Variants in IL31RA observed in about 807,000 individuals in gnomAD.
IL31RA encodes interleukin 31 receptor A.
A neutral mutation model predicts 83.7 loss-of-function variants in IL31RA; 66 were observed. The ratio of observed to expected loss-of-function variants is 0.79; its 90% confidence interval spans 0.65 to 0.97. The LOEUF (loss-of-function observed/expected upper bound fraction) is 0.97. Among genes scored for constraint, IL31RA ranks in the 50% least tolerant of loss-of-function variants. The pLI is 0.00. For missense variants in IL31RA, 798 were observed against 919.4 expected (o/e 0.87, Z 1.71); for synonymous variants, 325 against 329.0 (o/e 0.99, Z 0.13).
In IL31RA at chr5:55,874,946, G is replaced by A. The variant is rs181266368; in HGVS notation, c.454+2495G>A. On this transcript the variant is annotated intron_variant, in intron 4 of 14. Transcript: ENST00000652347. ...AAGCAGACATCCTTTTCTTGTTCCTGATCTTAGGGGGAAAGCATCTAGTCT... is the reference window on the plus strand; with the variant it reads ...AAGCAGACATCCTTTTCTTGTTCCTAATCTTAGGGGGAAAGCATCTAGTCT... 6.6e-4 allele frequency among the ~76,000 whole-genome samples: 101 copies of A among 152,234 alleles called. 1 individual carries two copies. Among genetic ancestry groups the A allele is most frequent in the Middle Eastern group, 3.4e-3 (1 of 294 alleles).
chr5:55,855,391 C>T (rs1365742547), intron 1 of IL31RA, among the ~76,000 whole-genome samples: 1 of 151,820 alleles, frequency 6.6e-6, no homozygotes, highest in Non-Finnish European at 1.5e-5. Context: ...CCTGGTTTGC[C>T]ATTCTTTAAA....
Position 55,895,667 on chromosome 5 carries a change from C to G in IL31RA, c.773-683C>G, listed in dbSNP as rs527487080. 1.5e-4 allele frequency among the ~76,000 whole-genome samples: 23 copies of G among 152,208 alleles called. 1 individual carries two copies. The highest frequency in any genetic ancestry group is 1.4e-3 in the Admixed American group (22 of 15,284). On this transcript the variant is annotated intron_variant, in intron 6 of 14. Transcript: ENST00000652347. The stretch of plus-strand genomic sequence containing the variant: ...CAGATATTGGCTTTTACGTTACTCT[C>G]TGTCCTTTTTGAAAAGATCCACGTG...
chr5:55,911,478 T>G (rs1021236961), intron 12 of IL31RA, among the ~76,000 whole-genome samples: 11 of 152,154 alleles, frequency 7.2e-5, no homozygotes, highest in African/African-American at 2.4e-4. Context: ...GGGCTTAACC[T>G]CATCATTTGT....
chr5:55,851,929 G>A (rs1745093695), intron 1 of IL31RA, among the ~76,000 whole-genome samples: 1 of 151,996 alleles, frequency 6.6e-6, no homozygotes, highest in Non-Finnish European at 1.5e-5. Flanking sequence ...TTTGTCTTGT[G>A]GTTCTATATC....
intron 7 of IL31RA, among the ~76,000 whole-genome samples, chr5:55,897,015 A>ATT (rs1178147444): frequency 3.6e-3 from 3 of 842 alleles, no homozygotes; most frequent in Admixed American, 0.059. Context: ...ATATATATAT[A>ATT]TTTTTTTTTT....
In IL31RA at chr5:55,907,371, C is replaced by T; in HGVS notation, c.1265C>T (p.Pro422Leu). Residue 422 changes from proline to leucine, a missense_variant, in exon 10 of 15, where the codon CCT (proline) becomes CTT (leucine). Physicochemically the swap from Pro to Leu is moderately conservative, Grantham distance 98. Coordinates refer to ENST00000652347, the MANE Select transcript of IL31RA (RefSeq NM_139017.7). ...TTCTTTTTCACAGATAAATTAAAAC[C>T]TTTCTGGTGCTATAACATCTCTGTG... ...NWTIQQDKLKPFWCYNISVYP... is the reference protein window; with the variant it reads ...NWTIQQDKLKLFWCYNISVYP... 1 of 1,611,492 alleles carries T rather than the reference C, an allele frequency of 6.2e-7. No homozygotes were observed. Among genetic ancestry groups the T allele is most frequent in the Admixed American group, 1.7e-5 (1 of 60,012 alleles).
chr5:55,855,836 G>A (rs141940301), intron 1 of IL31RA, among the ~76,000 whole-genome samples: 3 of 152,236 alleles, frequency 2.0e-5, no homozygotes, highest in African/African-American at 4.8e-5. Context: ...GTTTGCAGTC[G>A]TTCTACTCCA....
intron 2 of IL31RA, among the ~76,000 whole-genome samples, chr5:55,867,113 ATGTGTG>A (rs533803847): frequency 4.9e-5 from 5 of 101,814 alleles, no homozygotes; most frequent in African/African-American, 1.8e-4. Context: ...GTGTGTGTGC[ATGTGTG>A]TGTTTGTGTG....
chr5:55,856,224 GTTAC>G (rs1290271993), intron 1 of IL31RA, among the ~76,000 whole-genome samples: 1 of 152,180 alleles, frequency 6.6e-6, no homozygotes, highest in Non-Finnish European at 1.5e-5. Flanking sequence ...GACACCACTA[GTTAC>G]TTAAGTGGCA....
At chr5:55,902,472 A>AC (rs1561114831) in intron 8 of IL31RA, 1 of 151,450 alleles carries the variant, frequency 6.6e-6, no homozygotes, top group Admixed American at 6.6e-5. Flanking sequence ...AAAAAAAAAA[A>AC]AAAAAAATAC....
chr5:55,913,488 A>G lies in IL31RA; in HGVS notation c.1654A>G (p.Ile552Val). The change falls in exon 13 of 15, where the codon ATT becomes GTT. Residue 552 changes from isoleucine (I) to valine (V), a missense_variant. Physicochemically the swap from Ile to Val is conservative, Grantham distance 29. Coordinates refer to ENST00000652347, the MANE Select transcript of IL31RA (RefSeq NM_139017.7). ...FKTLSFSVFEIILITSLIGGG... is the reference protein window; with the variant it reads ...FKTLSFSVFEVILITSLIGGG... ...TTTGTTTTTCAAAGGTGTCTTTGAG[A>G]TTATCCTCATAACTTCTCTGATTGG... 3 of 1,610,294 alleles carry G rather than the reference A, an allele frequency of 1.9e-6. No individual in the cohort carries two copies. The highest frequency in any genetic ancestry group is 3.3e-5 in the Admixed American group (2 of 60,024).
intron 8 of IL31RA, among the ~76,000 whole-genome samples, 198 bp from the exon 9 acceptor site, chr5:55,905,908 C>T (rs1388362481): frequency 2.0e-5 from 3 of 151,732 alleles, no homozygotes; most frequent in African/African-American, 4.9e-5. Context: ...GATTAAGAAG[C>T]CACTTACTCC....
chr5:55,853,176 T>G (rs1745158331), intron 1 of IL31RA: 1 of 263,148 alleles, frequency 3.8e-6, no homozygotes, highest in Non-Finnish European at 6.2e-6. Context: ...AAAGATACTC[T>G]CACTGTTTCA....
chr5:55,901,241 G>T (rs575812020), intron 8 of IL31RA, among the ~76,000 whole-genome samples: 5 of 152,300 alleles, frequency 3.3e-5, no homozygotes, highest in African/African-American at 1.2e-4. Flanking sequence ...CAACACCCTA[G>T]TGATGAAGTT....
chr5:55,872,315 A>C lies in IL31RA; in HGVS notation c.318A>C (p.Thr106=). 6.2e-7 allele frequency: 1 copy of C among 1,613,686 alleles called. No individual in the cohort carries two copies. Among genetic ancestry groups the C allele is most frequent in the Non-Finnish European group, 8.5e-7 (1 of 1,179,694 alleles). The change falls in exon 4 of 15, where the codon ACA becomes ACC. Residue 106 remains threonine (T), a synonymous_variant. Transcript: ENST00000652347. The part of the protein sequence containing the change: ...KHDNCTTNSS[T]SENRASCSFF... ...ATAATTGTACAACCAATAGTTCTACAAGTGAAAATCGTGCTTCGTGCTCTT... is the reference window on the plus strand; with the variant it reads ...ATAATTGTACAACCAATAGTTCTACCAGTGAAAATCGTGCTTCGTGCTCTT...
upstream of IL31RA, among the ~76,000 whole-genome samples, chr5:55,847,239 A>AT (rs372606558): frequency 0.015 from 262 of 17,196 alleles, 1 homozygote; most frequent in Non-Finnish European, 0.025. Flanking sequence ...AAAAAAAAAA[A>AT]AATAAAAATA....
chr5:55,851,409 G>T lies in IL31RA; in HGVS notation c.-162G>T. ...GACAGCACTCCAGCACTCTGCTTGG[G>T]GGGCATTCGAAACAGCAAAATCACT... On this transcript the variant is annotated 5_prime_UTR_variant, in exon 1 of 15. Transcript: ENST00000652347. The T allele has an allele frequency of 2.4e-6, 3 of 1,238,536 alleles. No individual in the cohort carries two copies. The highest frequency in any genetic ancestry group is 2.3e-6 in the Non-Finnish European group (2 of 875,906). The allele number at this position is 1,238,536 out of a possible 1,614,324, so 76.7% of individuals were successfully genotyped here.
chr5:55,899,805 G>T, intron 7 of IL31RA, 111 bp from the exon 8 acceptor site: 1 of 743,448 alleles, frequency 1.3e-6, no homozygotes, highest in South Asian at 1.5e-5. Context: ...TTGTAGTTTA[G>T]TATCTAATAG....
At chr5:55,908,437 A>G in intron 11 of IL31RA, 26 bp downstream of exon 11, 1 of 1,614,218 alleles carries the variant, frequency 6.2e-7, no homozygotes, top group Non-Finnish European at 8.5e-7. Context: ...GCGAAGTGGA[A>G]AAAAACCCCA....
Sources: gnomAD v4.1 joint callset for allele counts (sites outside exome capture counted in the v4.1 genomes callset) on GRCh38, gnomAD v4.1.1 for gene constraint, MANE v1.5 for transcripts, NCBI Gene and HGNC (gene_info 2026-07-23, HGNC 2026-07-21) for gene names.